The following DLGAP2 variants were observed in gnomAD, a reference collection of about 807,000 sequenced individuals.
The protein encoded by DLGAP2 is disks large-associated protein 2.
DLGAP2 carries 26 observed loss-of-function variants against 100.3 expected under a neutral mutation model. The ratio of observed to expected loss-of-function variants is 0.26; its 90% CI spans 0.19 to 0.36. The LOEUF is 0.36. Ranked by LOEUF, DLGAP2 falls within the 10% of genes least tolerant of loss-of-function variation. The pLI is 1.00. For synonymous variants in DLGAP2, 886 were observed against 630.1 expected (o/e 1.41, Z -6.08); for missense variants, 1,858 against 1,453.2 (o/e 1.28, Z -4.53).
At chr8:1,091,835 C>A (rs756342729) in intron 2 of DLGAP2, among the ~76,000 whole-genome samples, 1 of 151,894 alleles carries the variant, frequency 6.6e-6, no homozygotes, top group African/African-American at 2.4e-5. Flanking sequence ...CCCTCGCCAT[C>A]CCCACACCTG....
intron 2 of DLGAP2, among the ~76,000 whole-genome samples, chr8:944,851 T>A (rs544134800): frequency 6.6e-6 from 1 of 150,800 alleles, no homozygotes; most frequent in East Asian, 2.0e-4. Flanking sequence ...GATCCAGTGG[T>A]TGGTAACGAC....
chr8:928,965 A>ACCC (rs773950396), intron 2 of DLGAP2, among the ~76,000 whole-genome samples: 1 of 118,902 alleles, frequency 8.4e-6, no homozygotes, highest in Admixed American at 9.1e-5. Flanking sequence ...AAAGATGAAG[A>ACCC]CCCCCCCCGC....
At chr8:1,524,111 T>C (rs1357701283) in intron 4 of DLGAP2, among the ~76,000 whole-genome samples, 4 of 152,066 alleles carry the variant, frequency 2.6e-5, no homozygotes, top group African/African-American at 9.7e-5. Context: ...GCAGAACTGA[T>C]CCCCAGACGG....
At chr8:1,648,609 G>A (rs1467506123) in intron 8 of DLGAP2, among the ~76,000 whole-genome samples, 2 of 152,056 alleles carry the variant, frequency 1.3e-5, no homozygotes, top group African/African-American at 4.8e-5. Context: ...TCTGCATGCA[G>A]GATTCGCTCA....
intron 3 of DLGAP2, among the ~76,000 whole-genome samples, chr8:1,264,142 G>C (rs1018879345): frequency 6.7e-6 from 1 of 148,440 alleles, no homozygotes; most frequent in African/African-American, 2.6e-5. Context: ...ATTTATTTCA[G>C]TGCATAGTTG....
At position 1,697,258 on chromosome 8, in the gene DLGAP2, C is replaced by T. The variant is rs755873139; in HGVS notation, c.2908C>T (p.Arg970Trp). ...SMKFDELQRL[R>W]LNDWKMMESP... ...GAAGTTCGACGAGCTGCAGCGGCTG[C>T]GGCTCAACGACTGGAAGATGATGGA... The change falls in exon 14 of 15, where the codon CGG (arginine) becomes TGG (tryptophan). Residue 970 changes from arginine to tryptophan, a missense_variant. By Grantham distance (101) the Arg-to-Trp change is moderately radical (BLOSUM62 -3). Transcript: ENST00000637795. The T allele has an allele frequency of 1.2e-5, 19 of 1,609,914 alleles. No individual in the cohort carries two copies. The highest frequency in any genetic ancestry group is 2.2e-5 in the East Asian group (1 of 44,714).
Position 1,708,300 on chromosome 8 carries a change from T to G in DLGAP2, c.*6894T>G, listed in dbSNP as rs1799759141. 1 of 152,152 alleles carries G rather than the reference T, an allele frequency of 6.6e-6. No individual in the cohort carries two copies. The highest frequency in any genetic ancestry group is 2.4e-5 in the African/African-American group (1 of 41,430). The allele number at this position is 152,152 out of a possible 1,614,324, so 9.4% of individuals were successfully genotyped here. ...GAAAAATTATATAGACCAAAGAGTT[T>G]TATCCGAAAAAAAATTACACTCTTC... On this transcript the variant is annotated 3_prime_UTR_variant, in exon 15 of 15. Transcript: ENST00000637795.
At chr8:1,690,735 ATT>A (rs1216705453) in intron 12 of DLGAP2, among the ~76,000 whole-genome samples, 2 of 147,210 alleles carry the variant, frequency 1.4e-5, no homozygotes, top group African/African-American at 5.0e-5. Flanking sequence ...AAAAATTAGT[ATT>A]TGATTAACCA....
chr8:782,011 C>G (rs764332053), intron 1 of DLGAP2, among the ~76,000 whole-genome samples: 1 of 152,112 alleles, frequency 6.6e-6, no homozygotes, highest in South Asian at 2.1e-4. Context: ...TTCAATCAAC[C>G]AGCAGGATGA....
intron 2 of DLGAP2, among the ~76,000 whole-genome samples, chr8:1,131,058 A>G (rs1347497986): frequency 1.3e-5 from 2 of 152,168 alleles, no homozygotes; most frequent in Non-Finnish European, 2.9e-5. Context: ...ATTTTCCTTA[A>G]TTTTGAGAAA....
At chr8:1,658,302 C>A (rs549306307) in intron 8 of DLGAP2, among the ~76,000 whole-genome samples, 1 of 152,104 alleles carries the variant, frequency 6.6e-6, no homozygotes. Context: ...TACAGCTGCT[C>A]CATTTACATA....
intron 1 of DLGAP2, among the ~76,000 whole-genome samples, chr8:898,388 C>T (rs1275263369): frequency 6.6e-6 from 1 of 152,178 alleles, no homozygotes; most frequent in Non-Finnish European, 1.5e-5. Context: ...CTGGCGTGGT[C>T]CCTGGAAGGC....
chr8:1,115,601 T>C (rs1296459822), intron 2 of DLGAP2, among the ~76,000 whole-genome samples: 1 of 152,168 alleles, frequency 6.6e-6, no homozygotes, highest in African/African-American at 2.4e-5. Flanking sequence ...AATACAGTGG[T>C]GGCATCTTTA....
chr8:1,651,969 G>C (rs1035818312), intron 8 of DLGAP2, among the ~76,000 whole-genome samples: 2 of 152,224 alleles, frequency 1.3e-5, no homozygotes, highest in African/African-American at 2.4e-5. Flanking sequence ...TGGGCAGGCA[G>C]CCTGCCCCAG....
intron 1 of DLGAP2, among the ~76,000 whole-genome samples, chr8:812,788 G>A (rs1210664466): frequency 6.6e-6 from 1 of 152,152 alleles, no homozygotes. Flanking sequence ...TGAGAAATGA[G>A]ATCAAAATTA....
At chr8:880,315 G>A (rs941399576) in intron 1 of DLGAP2, among the ~76,000 whole-genome samples, 10 of 152,156 alleles carry the variant, frequency 6.6e-5, no homozygotes, top group South Asian at 4.2e-4. Context: ...GAGGCCATGC[G>A]TCTTCTAGAA....
intron 2 of DLGAP2, among the ~76,000 whole-genome samples, chr8:1,182,920 G>C (rs374462975): frequency 2.4e-4 from 37 of 152,298 alleles, no homozygotes; most frequent in African/African-American, 7.2e-4. Flanking sequence ...TGAGCGCACA[G>C]CCCTGCGGTG....
intron 2 of DLGAP2, among the ~76,000 whole-genome samples, chr8:1,064,357 A>G (rs1191548695): frequency 2.0e-5 from 3 of 152,238 alleles, no homozygotes; most frequent in Non-Finnish European, 4.4e-5. Context: ...AATTCCTCAA[A>G]TATGTCAGGC....
At chr8:994,388 C>T (rs1045169903) in intron 2 of DLGAP2, among the ~76,000 whole-genome samples, 2 of 151,932 alleles carry the variant, frequency 1.3e-5, no homozygotes, top group Non-Finnish European at 2.9e-5. Context: ...TTAGTAGAGA[C>T]GGGTTTTCTC....
Sources: gnomAD v4.1 joint callset for allele counts (sites outside exome capture counted in the v4.1 genomes callset) on GRCh38, gnomAD v4.1.1 for gene constraint, MANE v1.5 for transcripts, NCBI Gene and HGNC (gene_info 2026-07-23, HGNC 2026-07-21) for gene names.